The following NXPE4 variants were observed in gnomAD, a reference collection of about 807,000 sequenced individuals.
NXPE4 encodes NXPE family member 4.
In NXPE4, 42 loss-of-function variants were observed where a neutral mutation model predicts 33.3. The observed-to-expected ratio is 1.26, with a 90% CI of 0.98 to 1.63. NXPE4 has a LOEUF of 1.63. NXPE4 is among the 40% of genes most tolerant of loss of function. The probability of loss-of-function intolerance (pLI) is 0.00; values close to 1 mark genes in which losing one functional copy is unlikely to be tolerated. For missense variants in NXPE4, 709 were observed against 647.6 expected (o/e 1.09, Z -1.03); for synonymous variants, 253 against 234.9 (o/e 1.08, Z -0.71).
At chr11:114,572,756 A>G (rs1381346425) in intron 5 of NXPE4, among the ~76,000 whole-genome samples, 3 of 152,206 alleles carry the variant, frequency 2.0e-5, no homozygotes, top group African/African-American at 4.8e-5. Flanking sequence ...TTCCCAAGGA[A>G]GAAGAGAAAT....
intron 2 of NXPE4, among the ~76,000 whole-genome samples, chr11:114,589,590 G>A (rs1177892797): frequency 6.6e-6 from 1 of 152,054 alleles, no homozygotes; most frequent in Non-Finnish European, 1.5e-5. Context: ...CATACTTATA[G>A]CCCCAGGAAA....
intron 2 of NXPE4, among the ~76,000 whole-genome samples, chr11:114,588,625 G>T (rs993840815): frequency 6.6e-6 from 1 of 152,110 alleles, no homozygotes; most frequent in Non-Finnish European, 1.5e-5. Flanking sequence ...TGACAACCTT[G>T]TTTGGAACCC....
the NXPE4 span, among the ~76,000 whole-genome samples, chr11:114,663,653 A>C: frequency 6.9e-6 from 1 of 145,420 alleles, no homozygotes; most frequent in African/African-American, 2.6e-5. Context: ...TCCATCTATC[A>C]TCTATTTATC....
intron 2 of NXPE4, among the ~76,000 whole-genome samples, chr11:114,585,125 C>T (rs1949260686): frequency 6.6e-6 from 1 of 151,912 alleles, no homozygotes; most frequent in Non-Finnish European, 1.5e-5. Flanking sequence ...GTTCCATTCT[C>T]ATACCTTCTC....
intron 5 of NXPE4, among the ~76,000 whole-genome samples, chr11:114,576,055 C>T (rs906582534): frequency 6.6e-6 from 1 of 152,110 alleles, no homozygotes; most frequent in African/African-American, 2.4e-5. Context: ...CCAATACTTA[C>T]AGCCAACTGA....
At chr11:114,642,272 A>T in the NXPE4 span, among the ~76,000 whole-genome samples, 1 of 152,052 alleles carries the variant, frequency 6.6e-6, no homozygotes, top group Non-Finnish European at 1.5e-5. Flanking sequence ...TTCCCAATTG[A>T]GGGATACTGT....
Position 114,571,407 on chromosome 11 carries a change from C to G in NXPE4, c.1166G>C (p.Arg389Thr). The G allele has an allele frequency of 1.2e-6, 2 of 1,613,236 alleles. No homozygotes were observed. Among genetic ancestry groups the G allele is most frequent in the Non-Finnish European group, 8.5e-7 (1 of 1,179,314 alleles). The stretch of plus-strand genomic sequence containing the variant: ...TTTTTGCCACTGGATGTTGATGTTC[C>G]TATCCAAATCCACAGCAAGCTGGTG... ...LQHQLAVDLD[R>T]NINIQWQKYC... Residue 389 changes from arginine to threonine, a missense_variant, in exon 6 of 6, where the codon AGG (arginine) becomes ACG (threonine). Arg to Thr is a moderately conservative substitution (Grantham distance 71, BLOSUM62 -1). Coordinates refer to ENST00000375478, the MANE Select transcript of NXPE4 (RefSeq NM_001077639.2).
At chr11:114,573,560 G>A (rs1427471766) in intron 5 of NXPE4, among the ~76,000 whole-genome samples, 1 of 152,068 alleles carries the variant, frequency 6.6e-6, no homozygotes, top group Non-Finnish European at 1.5e-5. Context: ...GCAAGCAGGA[G>A]TAGCAATTCT....
At chr11:114,599,945 T>C (rs1451296442), upstream of NXPE4, among the ~76,000 whole-genome samples, 6 of 152,116 alleles carry the variant, frequency 3.9e-5, no homozygotes, top group Admixed American at 2.0e-4. Flanking sequence ...TATGAGTTCA[T>C]ATCTATACAA....
At chr11:114,599,318 C>A (rs1949612681), upstream of NXPE4, among the ~76,000 whole-genome samples, 1 of 152,160 alleles carries the variant, frequency 6.6e-6, no homozygotes, top group African/African-American at 2.4e-5. Context: ...ACTTCATTGT[C>A]CATATCACTA....
At chr11:114,614,257 G>C in the NXPE4 span, among the ~76,000 whole-genome samples, 4 of 145,614 alleles carry the variant, frequency 2.7e-5, no homozygotes, top group African/African-American at 1.0e-4. Context: ...CCTGTGGATA[G>C]TAAGTATTGC....
At chr11:114,612,171 G>C in the NXPE4 span, among the ~76,000 whole-genome samples, 1 of 151,878 alleles carries the variant, frequency 6.6e-6, no homozygotes, top group Non-Finnish European at 1.5e-5. Context: ...TGGATAATAA[G>C]TGTTGCCTCT....
the NXPE4 span, among the ~76,000 whole-genome samples, chr11:114,665,950 A>C: frequency 6.6e-6 from 1 of 152,134 alleles, no homozygotes. Context: ...TTGTTTTACA[A>C]GTGAGGAGAC....
At chr11:114,635,973 G>T in the NXPE4 span, among the ~76,000 whole-genome samples, 15 of 152,018 alleles carry the variant, frequency 9.9e-5, no homozygotes, top group African/African-American at 3.4e-4. Context: ...GATGATGCTG[G>T]CCTCATAAAA....
At chr11:114,668,789 G>A in the NXPE4 span, among the ~76,000 whole-genome samples, 1 of 152,020 alleles carries the variant, frequency 6.6e-6, no homozygotes, top group Non-Finnish European at 1.5e-5. Context: ...TTTTTGGAAT[G>A]GTGAAATAAG....
chr11:114,601,703 T>TAA, the NXPE4 span, among the ~76,000 whole-genome samples: 1 of 66,946 alleles, frequency 1.5e-5, no homozygotes, highest in African/African-American at 7.4e-5. Flanking sequence ...TTTATAATTC[T>TAA]TTATATATTA....
the NXPE4 span, among the ~76,000 whole-genome samples, chr11:114,662,684 G>A: frequency 1.3e-5 from 2 of 152,052 alleles, no homozygotes; most frequent in African/African-American, 2.4e-5. Context: ...TGAGGACTTT[G>A]TCTTCCATTT....
the NXPE4 span, among the ~76,000 whole-genome samples, chr11:114,639,796 T>C: frequency 3.8e-4 from 46 of 122,216 alleles, 1 homozygote; most frequent in Non-Finnish European, 2.5e-4. Flanking sequence ...ATATATATTA[T>C]ATTAAATATA....
At chr11:114,588,953 C>G (rs1949375865) in intron 2 of NXPE4, among the ~76,000 whole-genome samples, 1 of 152,050 alleles carries the variant, frequency 6.6e-6, no homozygotes, top group African/African-American at 2.4e-5. Flanking sequence ...CTGAGGGTGG[C>G]CACCTTAGTC....
Sources: gnomAD v4.1 joint callset for allele counts (sites outside exome capture counted in the v4.1 genomes callset) on GRCh38, gnomAD v4.1.1 for gene constraint, MANE v1.5 for transcripts, NCBI Gene and HGNC (gene_info 2026-07-23, HGNC 2026-07-21) for gene names.